The following DYNC2I1 variants were observed in gnomAD, a reference collection of about 807,000 sequenced individuals.
DYNC2I1 encodes cytoplasmic dynein 2 intermediate chain 1.
A neutral mutation model predicts 133.4 loss-of-function variants in DYNC2I1; 89 were observed. That is an observed-to-expected ratio of 0.67 (90% CI 0.56 to 0.80). DYNC2I1 has a LOEUF of 0.80. Among genes scored for constraint, DYNC2I1 ranks in the 30% least tolerant of loss-of-function variants. The pLI is 0.00. For missense variants in DYNC2I1, 1,291 were observed against 1,314.5 expected, an observed-to-expected ratio of 0.98 and a Z score of 0.28; for synonymous variants, 504 against 484.3, an observed-to-expected ratio of 1.04 and a Z score of -0.54.
chr7:158,866,578 A>G (rs1426547158), intron 1 of DYNC2I1, among the ~76,000 whole-genome samples: 3 of 151,998 alleles, frequency 2.0e-5, no homozygotes, highest in African/African-American at 7.2e-5. Context: ...ACCTCTCTGT[A>G]GGAGTTAACT....
intron 11 of DYNC2I1, among the ~76,000 whole-genome samples, chr7:158,910,472 CCG>C (rs2129484552): frequency 6.8e-6 from 1 of 147,076 alleles, no homozygotes; most frequent in African/African-American, 2.5e-5. Context: ...GGCCTGTGGG[CCG>C]AGTGCGATTG....
At chr7:158,884,748 C>T in intron 6 of DYNC2I1, 129 bp downstream of exon 6, 1 of 865,808 alleles carries the variant, frequency 1.2e-6, no homozygotes, top group Non-Finnish European at 1.6e-6. Flanking sequence ...TTCATTTTCT[C>T]TAGATTTTAC....
chr7:158,911,177 A>G (rs1022226061), intron 11 of DYNC2I1, among the ~76,000 whole-genome samples: 3 of 152,208 alleles, frequency 2.0e-5, no homozygotes, highest in South Asian at 2.1e-4. Flanking sequence ...AGGTGATTGC[A>G]TAGTCAGTAT....
At chr7:158,952,547 G>C (rs1180793033) in intron 4 of DYNC2I1, among the ~76,000 whole-genome samples, 1 of 137,266 alleles carries the variant, frequency 7.3e-6, no homozygotes, top group Non-Finnish European at 1.6e-5. Context: ...AGTAAAAGCA[G>C]AAAAGTAAAC....
intron 15 of DYNC2I1, among the ~76,000 whole-genome samples, chr7:158,919,715 G>A (rs1848825458): frequency 6.6e-6 from 1 of 152,168 alleles, no homozygotes; most frequent in South Asian, 2.1e-4. Flanking sequence ...GTCTTTTAAC[G>A]TTAACAAAAA....
chr7:158,923,208 CT>C (rs1232174599), intron 16 of DYNC2I1, among the ~76,000 whole-genome samples: 1 of 152,208 alleles, frequency 6.6e-6, no homozygotes. Flanking sequence ...GAAATTGTAA[CT>C]TTTGTAATAC....
At position 158,941,993 on chromosome 7, in the gene DYNC2I1, C is replaced by G; in HGVS notation, c.2847C>G (p.Asp949Glu). The change falls in exon 24 of 25, where the codon GAC becomes GAG. Residue 949 changes from aspartate to glutamate, a missense_variant. By Grantham distance (45) the Asp-to-Glu change is conservative (BLOSUM62 2). Transcript: ENST00000407559. ...LSSAFPLLQW[D>E]SSTDSHAVTG... Reference sequence around the variant, plus strand: ...CCGCGTTTCCGCTCCTGCAGTGGGACAGCAGCACGGACAGCCATGCGGTCA... The same window carrying G: ...CCGCGTTTCCGCTCCTGCAGTGGGAGAGCAGCACGGACAGCCATGCGGTCA... 2 of 1,613,460 alleles carry G rather than the reference C, an allele frequency of 1.2e-6. No individual in the cohort carries two copies. Among genetic ancestry groups the G allele is most frequent in the Non-Finnish European group, 1.7e-6 (2 of 1,179,798 alleles).
chr7:158,942,064 A>T lies in DYNC2I1; in HGVS notation c.2918A>T (p.Gln973Leu), dbSNP rs751828519. 5.0e-6 allele frequency: 8 copies of T among 1,612,060 alleles called. No homozygotes were observed. Among genetic ancestry groups the T allele is most frequent in the Non-Finnish European group, 6.8e-6 (8 of 1,178,848 alleles). Residue 973 changes from glutamine (Q) to leucine (L), a missense_variant, in exon 24 of 25, where the codon CAG becomes CTG. Transcript: ENST00000407559. Reference sequence around the variant, plus strand: ...ACCAGGCCTGCCGTGTTCCTGGTGCAGGACGACACATCCAACATCTACATC... The same window carrying T: ...ACCAGGCCTGCCGTGTTCCTGGTGCTGGACGACACATCCAACATCTACATC... The part of the protein sequence containing the change: ...SPTRPAVFLV[Q>L]DDTSNIYIWD...
chr7:158,922,623 G>A, intron 16 of DYNC2I1, 74 bp downstream of exon 16: 3 of 1,415,136 alleles, frequency 2.1e-6, no homozygotes, highest in Non-Finnish European at 2.9e-6. Flanking sequence ...TGCAGGTGGG[G>A]AGAGTCACGG....
At chr7:158,928,778 GTCA>G (rs1849886577) in intron 20 of DYNC2I1, among the ~76,000 whole-genome samples, 2 of 40,150 alleles carry the variant, frequency 5.0e-5, no homozygotes, top group Non-Finnish European at 1.4e-4. Context: ...GACCCACATA[GTCA>G]GTCTCAGCAC....
intron 17 of DYNC2I1, among the ~76,000 whole-genome samples, chr7:158,924,153 G>A (rs978685772): frequency 6.6e-6 from 1 of 152,178 alleles, no homozygotes; most frequent in African/African-American, 2.4e-5. Flanking sequence ...TTCATACTAT[G>A]CCGTGCCCAG....
chr7:158,952,506 G>A (rs2129490367), intron 4 of DYNC2I1, among the ~76,000 whole-genome samples: 1 of 152,294 alleles, frequency 6.6e-6, no homozygotes, highest in East Asian at 1.9e-4. Flanking sequence ...TCTTTAAGGA[G>A]GTGGTTTTGG....
chr7:158,871,804 G>A (rs1188138421), intron 3 of DYNC2I1, among the ~76,000 whole-genome samples: 1 of 152,140 alleles, frequency 6.6e-6, no homozygotes, highest in African/African-American at 2.4e-5. Flanking sequence ...CCAAAGGACT[G>A]GCATTACAGA....
intron 23 of DYNC2I1, among the ~76,000 whole-genome samples, chr7:158,940,215 C>G (rs1851204319): frequency 6.6e-6 from 1 of 152,138 alleles, no homozygotes; most frequent in South Asian, 2.1e-4. Context: ...ATTTGGGGGA[C>G]AGTTTCAGGA....
Position 158,871,183 on chromosome 7 carries a change from A to G in DYNC2I1, c.111A>G (p.Arg37=), listed in dbSNP as rs1439703876. The change falls in exon 3 of 25, where the codon AGA becomes AGG. Residue 37 remains arginine (R), a synonymous_variant. Transcript: ENST00000407559. ...GTTCCAAGGAAGAAAGAAAGCACAG[A>G]GAGAAGAAGCTGCGTAAGGAGTCTG... is the stretch of plus-strand genomic sequence containing the variant. ...SGGSKEERKH[R]EKKLRKESEM... 1 of 1,613,580 alleles carries G rather than the reference A, an allele frequency of 6.2e-7. No individual in the cohort carries two copies. The highest frequency in any genetic ancestry group is 1.3e-5 in the African/African-American group (1 of 74,882).
At position 158,934,228 on chromosome 7, in the gene DYNC2I1, G is replaced by A. The variant is rs774984330; in HGVS notation, c.2646G>A (p.Met882Ile). The A allele has an allele frequency of 2.5e-6, 4 of 1,603,252 alleles. No individual in the cohort carries two copies. Among genetic ancestry groups the A allele is most frequent in the Non-Finnish European group, 3.4e-6 (4 of 1,175,966 alleles). Reference sequence around the variant, plus strand: ...ATCACTTTATTATTGGCACAGACATGGTGAGTAGTATTTTAAATTTAATCC... The same window carrying A: ...ATCACTTTATTATTGGCACAGACATAGTGAGTAGTATTTTAAATTTAATCC... ...DPNHFIIGTD[M>I]GLISHGTRQD... is the part of the protein sequence containing the mutation. Residue 882 changes from methionine to isoleucine, a missense_variant and splice_region_variant, in exon 22 of 25, where the codon ATG becomes ATA. Met to Ile is a conservative substitution (Grantham distance 10, BLOSUM62 1). Transcript: ENST00000407559.
chr7:158,953,013 A>G (rs954069098), intron 4 of DYNC2I1, among the ~76,000 whole-genome samples: 4 of 152,136 alleles, frequency 2.6e-5, no homozygotes, highest in Admixed American at 1.3e-4. Context: ...CACCTGTGCA[A>G]TGCCAGCCCA....
rs1843382317 is a variant in DYNC2I1, at chr7:158,876,617, G to A, written c.499G>A (p.Val167Ile). ...AERKGRSVSK[V>I]RSEEKDEDSE... ...TGTTTTACTTCTTGTAGTAAGTAAA[G>A]TAAGAAGTGAAGAGAAAGATGAAGA... The change falls in exon 4 of 25, where the codon GTA becomes ATA. Residue 167 changes from valine (V) to isoleucine (I), a missense_variant. Physicochemically the swap from Val to Ile is conservative, Grantham distance 29 (BLOSUM62 3). Transcript: ENST00000407559. The A allele has an allele frequency of 1.3e-6, 2 of 1,572,370 alleles. No homozygotes were observed. The highest frequency in any genetic ancestry group is 1.4e-5 in the African/African-American group (1 of 72,582).
At chr7:158,845,628 C>T in the DYNC2I1 span, among the ~76,000 whole-genome samples, 1 of 152,090 alleles carries the variant, frequency 6.6e-6, no homozygotes, top group African/African-American at 2.4e-5. Flanking sequence ...GTAAAATGCC[C>T]GTATACTTAA....
Sources: allele counts gnomAD v4.1 joint callset (sites outside exome capture counted in the v4.1 genomes callset), GRCh38; gene constraint gnomAD v4.1.1; transcripts MANE v1.5; gene names NCBI Gene and HGNC (gene_info 2026-07-23, HGNC 2026-07-21).